Variants in FEM1C observed in about 807,000 individuals in gnomAD.
The protein encoded by FEM1C is fem-1 homolog C.
Under a neutral mutation model 37.6 loss-of-function variants are expected in FEM1C, and 15 were observed. That is an observed-to-expected ratio of 0.40 (90% CI 0.27 to 0.61). The LOEUF (loss-of-function observed/expected upper bound fraction) is 0.61, where lower values mean the gene tolerates loss of function less well. FEM1C is among the 20% of genes least tolerant of loss of function. The pLI is 0.42. For missense variants in FEM1C, 532 were observed against 749.7 expected, an observed-to-expected ratio of 0.71 and a Z score of 3.39; for synonymous variants, 287 against 272.8, an observed-to-expected ratio of 1.05 and a Z score of -0.51.
intron 2 of FEM1C, among the ~76,000 whole-genome samples, chr5:115,529,658 A>G (rs1244670178): frequency 6.6e-6 from 1 of 152,070 alleles, no homozygotes; most frequent in African/African-American, 2.4e-5. Context: ...TAAAAATAAT[A>G]TCTTGTAGGG....
chr5:115,531,698 C>G (rs1580380896), intron 2 of FEM1C, among the ~76,000 whole-genome samples: 1 of 152,100 alleles, frequency 6.6e-6, no homozygotes, highest in African/African-American at 2.4e-5. Context: ...CCCAACAAAA[C>G]TTTTACTTTT....
rs566291308 is a variant in FEM1C at position 115,522,012 on chromosome 5, T to A, written c.*2296A>T. ...GTTCTAAGTTATCTATTTTTACTGG[T>A]GCAAAAATGCTATTTAAAGAAATCC... On this transcript the variant is annotated 3_prime_UTR_variant, in exon 3 of 3. Coordinates refer to ENST00000274457, the MANE Select transcript of FEM1C (RefSeq NM_020177.3). The A allele has an allele frequency of 1.3e-5, 2 of 151,996 alleles. No individual in the cohort carries two copies. Among genetic ancestry groups the A allele is most frequent in the African/African-American group, 4.8e-5 (2 of 41,552 alleles). 9.4% of individuals were successfully genotyped at this position (151,996 alleles called of 1,614,324 possible). A position where few individuals can be genotyped will look rare whatever the true frequency, so the allele number is the denominator to read the frequency against.
intron 2 of FEM1C, among the ~76,000 whole-genome samples, chr5:115,531,547 G>C (rs1415940672): frequency 6.6e-6 from 1 of 152,086 alleles, no homozygotes; most frequent in African/African-American, 2.4e-5. Flanking sequence ...TCTAACTCAG[G>C]GACTGGCAAA....
At chr5:115,530,389 G>A (rs997752114) in intron 2 of FEM1C, among the ~76,000 whole-genome samples, 2 of 151,994 alleles carry the variant, frequency 1.3e-5, no homozygotes, top group Admixed American at 6.6e-5. Context: ...ATTAAGTTAC[G>A]TAAAGTAAAA....
Position 115,525,370 on chromosome 5 carries a change from C to T in FEM1C, c.792G>A (p.Gly264=). Residue 264 remains glycine, a synonymous_variant, in exon 3 of 3, where the codon GGG becomes GGA. Transcript: ENST00000274457. The part of the protein sequence containing the change: ...TFVDKKRDLL[G]ALKYWKKAMN... ...TTGCCTTTTTCCAGTATTTCAAAGC[C>T]CCAAGCAGATCTCTTTTTTTGTCTA... The T allele has an allele frequency of 6.2e-7, 1 of 1,613,548 alleles. No homozygotes were observed. Among genetic ancestry groups the T allele is most frequent in the East Asian group, 2.2e-5 (1 of 44,862 alleles).
Position 115,525,171 on chromosome 5 carries a change from C to G in FEM1C, c.991G>C (p.Gly331Arg). Reference sequence around the variant, plus strand: ...TAAGAGGTATCAGGATGAGAAGGACCAAGAATACGTTCTCTGATTAATAGT... The same window carrying G: ...TAAGAGGTATCAGGATGAGAAGGACGAAGAATACGTTCTCTGATTAATAGT... The part of the protein sequence containing the change: ...QALLIRERIL[G>R]PSHPDTSYYI... The change falls in exon 3 of 3, where the codon GGT becomes CGT. Residue 331 changes from glycine to arginine, a missense_variant. This residue lies in a region of FEM1C where 221 missense variants were observed against 404.1 expected (regional missense o/e 0.55). Transcript: ENST00000274457. 1 of 1,613,532 alleles carries G rather than the reference C, an allele frequency of 6.2e-7. No individual in the cohort carries two copies. The highest frequency in any genetic ancestry group is 1.3e-5 in the African/African-American group (1 of 74,976).
intron 2 of FEM1C, among the ~76,000 whole-genome samples, chr5:115,532,686 T>C (rs1001970020): frequency 1.2e-4 from 18 of 152,156 alleles, no homozygotes; most frequent in African/African-American, 4.3e-4. Context: ...CATTCTGTCA[T>C]GTGTTATTAC....
chr5:115,527,425 C>G (rs770686402), intron 2 of FEM1C, among the ~76,000 whole-genome samples: 21 of 152,068 alleles, frequency 1.4e-4, no homozygotes, highest in Non-Finnish European at 2.8e-4. Flanking sequence ...TTTCAATGGT[C>G]TACAATGAAA....
chr5:115,537,791 A>G (rs1457700621), intron 2 of FEM1C, among the ~76,000 whole-genome samples: 1 of 152,072 alleles, frequency 6.6e-6, no homozygotes, highest in Admixed American at 6.6e-5. Flanking sequence ...ACAGCTGAGA[A>G]GAGTTTTCAA....
At chr5:115,530,578 C>A (rs1753994972) in intron 2 of FEM1C, among the ~76,000 whole-genome samples, 1 of 152,002 alleles carries the variant, frequency 6.6e-6, no homozygotes, top group African/African-American at 2.4e-5. Flanking sequence ...AATTTTGCCC[C>A]CAGGGATACA....
rs987166963 is a variant in FEM1C at position 115,521,262 on chromosome 5, T to A, written c.*3046A>T. ...AGAAAATTAATTACAAAAATTATCA[T>A]ACCTGTAAATTCAGCCTAAGGTTTC... On this transcript the variant is annotated 3_prime_UTR_variant, in exon 3 of 3. Coordinates refer to ENST00000274457, the MANE Select transcript of FEM1C (RefSeq NM_020177.3). 27 of 151,746 alleles carry A rather than the reference T, an allele frequency of 1.8e-4. No homozygotes were observed. The highest frequency in any genetic ancestry group is 1.6e-3 in the Admixed American group (25 of 15,214). The allele number at this position is 151,746 out of a possible 1,614,324, so 9.4% of individuals were successfully genotyped here. A position where few individuals can be genotyped will look rare whatever the true frequency, so the allele number is the denominator to read the frequency against.
At chr5:115,542,250 A>C (rs1289679947) in intron 2 of FEM1C, among the ~76,000 whole-genome samples, 1 of 152,204 alleles carries the variant, frequency 6.6e-6, no homozygotes, top group Non-Finnish European at 1.5e-5. Context: ...TTCTGGACAA[A>C]GGTGTTTACA....
In FEM1C at chr5:115,527,926, G is replaced by C. The variant is rs190688595; in HGVS notation, c.545-2309C>G. On this transcript the variant is annotated intron_variant, in intron 2 of 2. Coordinates refer to ENST00000274457, the MANE Select transcript of FEM1C (RefSeq NM_020177.3). ...TGAGGCAGGAGAATCACTTGAACCT[G>C]GGAGGTGGAGGTTGCAGTAAGCAGA... Among the ~76,000 whole-genome samples the C allele has an allele frequency of 2.9e-3, 433 of 151,348 alleles. 2 individuals carry two copies. The highest frequency in any genetic ancestry group is 0.01 in the African/African-American group (419 of 41,226).
Position 115,522,545 on chromosome 5 carries a change from CAA to C in FEM1C, c.*1761_*1762del, listed in dbSNP as rs1320303015. ...AAAAATTAAATCTCAATTATTTAAC[CAA>C]AAAGTCTAATGTTCTCTTGTTTATT... On this transcript the variant is annotated 3_prime_UTR_variant, in exon 3 of 3. Coordinates refer to ENST00000274457, the MANE Select transcript of FEM1C (RefSeq NM_020177.3). 2 of 151,692 alleles carry C rather than the reference CAA, an allele frequency of 1.3e-5. No homozygotes were observed. Among genetic ancestry groups the C allele is most frequent in the African/African-American group, 4.8e-5 (2 of 41,360 alleles). The allele number at this position is 151,692 out of a possible 1,614,324, so 9.4% of individuals were successfully genotyped here. A position where few individuals can be genotyped will look rare whatever the true frequency, so the allele number is the denominator to read the frequency against.
At chr5:115,532,987 G>A (rs1045784291) in intron 2 of FEM1C, among the ~76,000 whole-genome samples, 3 of 151,944 alleles carry the variant, frequency 2.0e-5, no homozygotes, top group Non-Finnish European at 4.4e-5. Flanking sequence ...GTATATGTTT[G>A]TCAAAAATTA....
chr5:115,544,110 G>T, intron 1 of FEM1C: 1 of 985,400 alleles, frequency 1.0e-6, no homozygotes, highest in South Asian at 4.7e-5. Flanking sequence ...GCCGGGTTTC[G>T]AGAAAGAACA....
intron 2 of FEM1C, among the ~76,000 whole-genome samples, chr5:115,529,896 T>C (rs919413019): frequency 6.6e-6 from 1 of 151,772 alleles, no homozygotes; most frequent in African/African-American, 2.4e-5. Flanking sequence ...AATGAAATAA[T>C]AATCCAAAAG....
At chr5:115,538,724 T>G (rs543813220) in intron 2 of FEM1C, among the ~76,000 whole-genome samples, 1 of 152,132 alleles carries the variant, frequency 6.6e-6, no homozygotes, top group African/African-American at 2.4e-5. Context: ...CCTTTAAAAT[T>G]CAGCCCTGAG....
intron 2 of FEM1C, among the ~76,000 whole-genome samples, chr5:115,526,904 G>T (rs1331063955): frequency 2.0e-5 from 3 of 152,064 alleles, no homozygotes; most frequent in Non-Finnish European, 4.4e-5. Context: ...TTCCTTCTGG[G>T]AGTCTAGAAT....
Sources: gnomAD v4.1 joint callset for allele counts (sites outside exome capture counted in the v4.1 genomes callset) on GRCh38, gnomAD v4.1.1 for gene constraint, gnomAD v4.1.1 regional missense constraint, MANE v1.5 for transcripts, NCBI Gene and HGNC (gene_info 2026-07-23, HGNC 2026-07-21) for gene names.